CCDC141: variants seen among roughly 807,000 people sequenced by gnomAD.
CCDC141 encodes the protein coiled-coil domain containing 141, also known as coiled-coil domain-containing protein 141.
In CCDC141, 168 loss-of-function variants were observed where a neutral mutation model predicts 181.0. The observed-to-expected ratio is 0.93, with a 90% CI of 0.82 to 1.05. The LOEUF (loss-of-function observed/expected upper bound fraction) is 1.05. CCDC141 is among the 50% of genes least tolerant of loss of function. CCDC141 has a pLI of 0.00. For missense variants in CCDC141, 1,902 were observed against 1,788.5 expected (o/e 1.06, Z -1.14); for synonymous variants, 666 against 642.3 (o/e 1.04, Z -0.56).
intron 2 of CCDC141, among the ~76,000 whole-genome samples, chr2:178,993,390 A>C (rs1034477750): frequency 2.0e-5 from 3 of 152,188 alleles, no homozygotes; most frequent in African/African-American, 7.2e-5. Context: ...TTACGTGGAT[A>C]GTGCCAGGCA....
intron 2 of CCDC141, among the ~76,000 whole-genome samples, chr2:179,007,107 G>C (rs148751870): frequency 6.6e-6 from 1 of 152,276 alleles, no homozygotes; most frequent in African/African-American, 2.4e-5. Context: ...ATTAAAGTCT[G>C]GAAAATCAGG....
chr2:178,960,260 C>T (rs952193426), intron 5 of CCDC141, among the ~76,000 whole-genome samples: 1 of 152,176 alleles, frequency 6.6e-6, no homozygotes, highest in African/African-American at 2.4e-5. Flanking sequence ...ATGATAGGAA[C>T]TGGTACATAG....
At chr2:178,962,060 A>G (rs1690428477) in intron 4 of CCDC141, among the ~76,000 whole-genome samples, 1 of 152,200 alleles carries the variant, frequency 6.6e-6, no homozygotes. Flanking sequence ...ATTTTATATG[A>G]AAGTTCTGAC....
At chr2:178,877,859 T>A in intron 12 of CCDC141, 105 bp downstream of exon 12, 1 of 1,091,286 alleles carries the variant, frequency 9.2e-7, no homozygotes, top group South Asian at 1.3e-5. Context: ...GAGAACTCCC[T>A]AGGAGAGAAC....
chr2:178,917,310 G>A (rs1204599058), intron 7 of CCDC141, among the ~76,000 whole-genome samples: 1 of 152,120 alleles, frequency 6.6e-6, no homozygotes, highest in Non-Finnish European at 1.5e-5. Context: ...CAGTAATATG[G>A]TATATCTGTT....
At chr2:179,009,421 G>A (rs2042204661) in intron 2 of CCDC141, among the ~76,000 whole-genome samples, 1 of 152,100 alleles carries the variant, frequency 6.6e-6, no homozygotes, top group Admixed American at 6.6e-5. Context: ...AGGGCTGAAG[G>A]CTGTTGTTCA....
rs2154369783 is a variant in CCDC141 at position 178,878,038 on chromosome 2, G to C, written c.1825C>G (p.Gln609Glu). ...CTCTTCTTTAAAAATAGCTGCCACT[G>C]CTTCTCAGCCGAGTCAGAACAATGC... ...AKHCSDSAEKQWQLFLKKSFI... is the reference protein window; with the variant it reads ...AKHCSDSAEKEWQLFLKKSFI... The change falls in exon 12 of 24, where the codon CAG (glutamine) becomes GAG (glutamate). Residue 609 changes from glutamine (Q) to glutamate (E), a missense_variant. Gln to Glu is a conservative substitution (Grantham distance 29). Coordinates refer to ENST00000443758, the MANE Select transcript of CCDC141 (RefSeq NM_173648.4). 1 of 1,613,838 alleles carries C rather than the reference G, an allele frequency of 6.2e-7. No individual in the cohort carries two copies. The highest frequency in any genetic ancestry group is 8.5e-7 in the Non-Finnish European group (1 of 1,179,792).
At chr2:178,969,041 C>T (rs376475339) in intron 4 of CCDC141, among the ~76,000 whole-genome samples, 1 of 139,182 alleles carries the variant, frequency 7.2e-6, no homozygotes, top group Admixed American at 8.1e-5. Context: ...AGGAAGAAGT[C>T]GAATCCCTGA....
At chr2:178,986,475 G>C (rs1275652523) in intron 2 of CCDC141, among the ~76,000 whole-genome samples, 1 of 152,124 alleles carries the variant, frequency 6.6e-6, no homozygotes, top group African/African-American at 2.4e-5. Flanking sequence ...AGGGCAATTA[G>C]GCAGGAGAAG....
intron 2 of CCDC141, among the ~76,000 whole-genome samples, chr2:179,042,153 A>T (rs1303901850): frequency 6.6e-6 from 1 of 152,228 alleles, no homozygotes; most frequent in Non-Finnish European, 1.5e-5. Flanking sequence ...TTTAAAATTG[A>T]TCACATAATT....
intron 20 of CCDC141, among the ~76,000 whole-genome samples, chr2:178,851,869 T>C (rs1575129082): frequency 6.6e-6 from 1 of 152,336 alleles, no homozygotes; most frequent in African/African-American, 2.4e-5. Context: ...TTGTTTGAGA[T>C]AATTTTTTGC....
At chr2:178,864,455 C>G (rs1468481946) in intron 17 of CCDC141, among the ~76,000 whole-genome samples, 1 of 152,190 alleles carries the variant, frequency 6.6e-6, no homozygotes, top group Non-Finnish European at 1.5e-5. Context: ...AATTACACTA[C>G]CGGTTCAACC....
chr2:178,965,747 C>G (rs1690598024), intron 4 of CCDC141, among the ~76,000 whole-genome samples: 1 of 152,140 alleles, frequency 6.6e-6, no homozygotes, highest in African/African-American at 2.4e-5. Context: ...CCCAGGGCAC[C>G]TGGAACACCA....
chr2:178,831,425 A>C lies in CCDC141; in HGVS notation c.*2748T>G. On this transcript the variant is annotated 3_prime_UTR_variant, in exon 24 of 24. Transcript: ENST00000443758. ...ATTTTCACCAGAAAACCTGCTAGACAAATTCTAAAAGAGCTGTAACACATG... is the reference window on the plus strand; with the variant it reads ...ATTTTCACCAGAAAACCTGCTAGACCAATTCTAAAAGAGCTGTAACACATG... 1 of 152,362 alleles carries C rather than the reference A, an allele frequency of 6.6e-6. No individual in the cohort carries two copies. The highest frequency in any genetic ancestry group is 6.5e-5 in the Admixed American group (1 of 15,296). The allele number at this position is 152,362 out of a possible 1,614,324, so 9.4% of individuals were successfully genotyped here. A position where few individuals can be genotyped will look rare whatever the true frequency, so the allele number is the denominator to read the frequency against.
At chr2:178,907,504 A>C (rs1042790816) in intron 7 of CCDC141, among the ~76,000 whole-genome samples, 1 of 152,246 alleles carries the variant, frequency 6.6e-6, no homozygotes, top group Non-Finnish European at 1.5e-5. Flanking sequence ...CTTTTTGTAA[A>C]TATGTCTCTG....
intron 12 of CCDC141, 97 bp from the exon 13 acceptor site, chr2:178,872,409 A>C: frequency 8.7e-7 from 1 of 1,144,090 alleles, no homozygotes; most frequent in Non-Finnish European, 1.2e-6. Context: ...CTTTATCACA[A>C]CCAAAGCCGA....
intron 5 of CCDC141, among the ~76,000 whole-genome samples, chr2:178,953,434 C>G (rs1049360418): frequency 7.3e-6 from 1 of 136,834 alleles, no homozygotes; most frequent in East Asian, 2.0e-4. Flanking sequence ...GAGACTCCCT[C>G]TCAAAAAAAA....
intron 2 of CCDC141, among the ~76,000 whole-genome samples, chr2:179,027,278 T>C (rs2042873639): frequency 6.6e-6 from 1 of 152,124 alleles, no homozygotes; most frequent in African/African-American, 2.4e-5. Context: ...AGTGATTGCA[T>C]TATGAAGGCA....
intron 2 of CCDC141, among the ~76,000 whole-genome samples, chr2:179,036,069 G>A (rs997093748): frequency 6.6e-6 from 1 of 152,242 alleles, no homozygotes; most frequent in African/African-American, 2.4e-5. Context: ...CAACAAAGGA[G>A]TATGGCGTGT....
Sources: gnomAD v4.1 joint callset for allele counts (sites outside exome capture counted in the v4.1 genomes callset) on GRCh38, gnomAD v4.1.1 for gene constraint, MANE v1.5 for transcripts, NCBI Gene and HGNC (gene_info 2026-07-23, HGNC 2026-07-21) for gene names.